The following FOXP1 variants were observed in gnomAD, a reference collection of about 807,000 sequenced individuals.
FOXP1 encodes forkhead box P1.
FOXP1 carries 15 observed loss-of-function variants against 98.2 expected under a neutral mutation model. The ratio of observed to expected loss-of-function variants is 0.15; its 90% CI spans 0.10 to 0.24. The LOEUF (loss-of-function observed/expected upper bound fraction) is 0.24. FOXP1 is among the 10% of genes least tolerant of loss of function. FOXP1 has a pLI of 1.00. For missense variants in FOXP1, 633 were observed against 848.5 expected (o/e 0.75, Z 3.15); for synonymous variants, 371 against 314.5 (o/e 1.18, Z -1.90).
intron 4 of FOXP1, among the ~76,000 whole-genome samples, chr3:71,357,934 A>T (rs2078275890): frequency 6.6e-6 from 1 of 152,164 alleles, no homozygotes; most frequent in Admixed American, 6.6e-5. Flanking sequence ...TAAAGATGAC[A>T]CTACAATTTT....
intron 5 of FOXP1, among the ~76,000 whole-genome samples, chr3:71,204,087 A>T (rs753328204): frequency 5.9e-5 from 9 of 152,326 alleles, no homozygotes; most frequent in Non-Finnish European, 8.8e-5. Flanking sequence ...CAGTTAGTAG[A>T]CTGAGAAAGA....
chr3:71,567,981 A>AAGGAAGGGAGGAAGGG (rs1246023756), intron 2 of FOXP1: 1 of 139,842 alleles, frequency 7.2e-6, no homozygotes, highest in African/African-American at 2.7e-5. Flanking sequence ...AAATGAAAGA[A>AAGGAAGGGAGGAAGGG]AGGAAGGGAG....
intron 11 of FOXP1, among the ~76,000 whole-genome samples, chr3:71,038,129 T>A (rs540868872): frequency 2.2e-4 from 34 of 151,642 alleles, no homozygotes; most frequent in Admixed American, 7.2e-4. Context: ...GGGGCAAGAG[T>A]GGGGGAGAAG....
chr3:71,573,297 A>C (rs1330425224), intron 2 of FOXP1, among the ~76,000 whole-genome samples: 1 of 152,196 alleles, frequency 6.6e-6, no homozygotes, highest in Non-Finnish European at 1.5e-5. Context: ...TTCAGGACAA[A>C]AAGGTATCAG....
chr3:71,579,863 A>G (rs922005331), intron 2 of FOXP1, among the ~76,000 whole-genome samples: 1 of 151,928 alleles, frequency 6.6e-6, no homozygotes, highest in African/African-American at 2.4e-5. Flanking sequence ...TTCTCCTCAT[A>G]AAGAAGGATA....
intron 4 of FOXP1, among the ~76,000 whole-genome samples, chr3:71,317,598 T>C (rs889469022): frequency 6.6e-6 from 1 of 152,222 alleles, no homozygotes; most frequent in African/African-American, 2.4e-5. Flanking sequence ...TAGTACAGTA[T>C]GCCTGAATTC....
Position 71,148,104 on chromosome 3 carries a change from C to T in FOXP1, c.181-35467G>A, listed in dbSNP as rs1316810512. 5.3e-5 allele frequency among the ~76,000 whole-genome samples: 8 copies of T among 152,300 alleles called. No individual in the cohort carries two copies. The East Asian group carries it at 1.5e-3, about 29-fold the overall frequency. Reference sequence around the variant, plus strand: ...TGAAAATACAAATGTCGGCCAGGCACGGTGGCTCACGCCTGTAATCCCAGC... The same window carrying T: ...TGAAAATACAAATGTCGGCCAGGCATGGTGGCTCACGCCTGTAATCCCAGC... On this transcript the variant is annotated intron_variant, in intron 6 of 20. Coordinates refer to ENST00000649528, the MANE Select transcript of FOXP1 (RefSeq NM_001349338.3).
At chr3:71,186,636 G>A (rs780201303) in intron 6 of FOXP1, among the ~76,000 whole-genome samples, 21 of 152,302 alleles carry the variant, frequency 1.4e-4, no homozygotes, top group African/African-American at 3.8e-4. Flanking sequence ...TCTTGAACCC[G>A]GGAGGTGGAG....
At chr3:71,119,548 G>A (rs2058609365) in intron 6 of FOXP1, among the ~76,000 whole-genome samples, 1 of 152,178 alleles carries the variant, frequency 6.6e-6, no homozygotes, top group South Asian at 2.1e-4. Context: ...AGTAGGAAAG[G>A]AGTCGTGTTC....
At chr3:70,993,062 T>G (rs1282169988) in intron 13 of FOXP1, among the ~76,000 whole-genome samples, 1 of 152,146 alleles carries the variant, frequency 6.6e-6, no homozygotes, top group Non-Finnish European at 1.5e-5. Flanking sequence ...TTTGCTAAAG[T>G]CTAGGAGGCT....
At position 70,966,791 on chromosome 3, in the gene FOXP1, G is replaced by GT. The variant is rs1314304197; in HGVS notation, c.1723-736dup. Among the ~76,000 whole-genome samples, 3 of 152,274 alleles carry GT rather than the reference G, an allele frequency of 2.0e-5. No individual in the cohort carries two copies. In the East Asian group the frequency reaches 5.8e-4, roughly 29 times the overall value. On this transcript the variant is annotated intron_variant, in intron 19 of 20. Transcript: ENST00000649528. Reference sequence around the variant, plus strand: ...ATTAAAGGTTACAAAGTTACTCCACGTGAGTGTCAGCAAAAAAGTGAGGAA... The same window carrying GT: ...ATTAAAGGTTACAAAGTTACTCCACGTTGAGTGTCAGCAAAAAAGTGAGGAA...
chr3:71,346,885 T>C (rs1208054395), intron 4 of FOXP1, among the ~76,000 whole-genome samples: 1 of 151,840 alleles, frequency 6.6e-6, no homozygotes, highest in African/African-American at 2.4e-5. Flanking sequence ...TCTACTAAAA[T>C]TACAAAAATT....
chr3:70,999,870 G>T (rs2041890714), intron 13 of FOXP1, among the ~76,000 whole-genome samples: 1 of 152,112 alleles, frequency 6.6e-6, no homozygotes, highest in South Asian at 2.1e-4. Flanking sequence ...ATACAAAATA[G>T]GCTTTTCGAT....
chr3:71,013,400 T>C (rs1028493250), intron 12 of FOXP1, among the ~76,000 whole-genome samples: 4 of 152,154 alleles, frequency 2.6e-5, no homozygotes, highest in African/African-American at 9.7e-5. Context: ...GCATATGCAA[T>C]TGCTTCAAAG....
In FOXP1 at chr3:71,376,396, A is replaced by G. The variant is rs74347132; in HGVS notation, c.-167-17152T>C. ...AATATGTCAATGATGTGTTTGCCTT[A>G]GTACTTACAGTTCAGACTTGTGTCT... On this transcript the variant is annotated intron_variant, in intron 3 of 20. Coordinates refer to ENST00000649528, the MANE Select transcript of FOXP1 (RefSeq NM_001349338.3). Among the ~76,000 whole-genome samples, 779 of 152,348 alleles carry G rather than the reference A, an allele frequency of 5.1e-3. 3 individuals carry two copies. Among genetic ancestry groups the G allele is most frequent in the Middle Eastern group, 0.024 (7 of 294 alleles).
chr3:70,970,669 T>C (rs564722967), intron 19 of FOXP1, 67 bp downstream of exon 19: 3 of 1,205,860 alleles, frequency 2.5e-6, no homozygotes, highest in East Asian at 2.3e-5. Context: ...GCAAGGCTAA[T>C]ATATTTTGAA....
intron 2 of FOXP1, among the ~76,000 whole-genome samples, chr3:71,505,329 C>G (rs1236297960): frequency 6.6e-6 from 1 of 152,008 alleles, no homozygotes; most frequent in Non-Finnish European, 1.5e-5. Flanking sequence ...CAGGACATCT[C>G]CCCCAAGACA....
At chr3:71,293,583 C>G (rs1035478376) in intron 5 of FOXP1, among the ~76,000 whole-genome samples, 1 of 151,960 alleles carries the variant, frequency 6.6e-6, no homozygotes, top group African/African-American at 2.4e-5. Flanking sequence ...CAAATATTGT[C>G]TTTACTACTA....
chr3:71,374,594 C>CAAA (rs5850009), intron 3 of FOXP1, among the ~76,000 whole-genome samples: 9 of 131,174 alleles, frequency 6.9e-5, no homozygotes, highest in African/African-American at 2.4e-4. Context: ...GACTCTGTCT[C>CAAA]AAAAAAAAAA....
Sources: allele counts gnomAD v4.1 joint callset (sites outside exome capture counted in the v4.1 genomes callset), GRCh38; gene constraint gnomAD v4.1.1; transcripts MANE v1.5; gene names NCBI Gene and HGNC (gene_info 2026-07-23, HGNC 2026-07-21).